Variants in TMEM117 observed in about 807,000 individuals in gnomAD.
TMEM117 encodes the protein transmembrane protein 117.
In TMEM117, 27 loss-of-function variants were observed where a neutral mutation model predicts 52.4. That is an observed-to-expected ratio of 0.51 (90% confidence interval 0.38 to 0.71). TMEM117 has a LOEUF of 0.71. TMEM117 is among the 30% of genes least tolerant of loss of function. TMEM117 has a pLI of 0.00. For missense variants in TMEM117, 556 were observed against 630.5 expected, an observed-to-expected ratio of 0.88 and a Z score of 1.26; for synonymous variants, 215 against 206.3, an observed-to-expected ratio of 1.04 and a Z score of -0.36.
chr12:43,865,944 T>C (rs1943589042), intron 2 of TMEM117, among the ~76,000 whole-genome samples: 1 of 151,788 alleles, frequency 6.6e-6, no homozygotes, highest in Non-Finnish European at 1.5e-5. Flanking sequence ...AAAATTAAAG[T>C]TTATTGTACA....
Position 44,271,885 on chromosome 12 carries a change from A to G in TMEM117, c.609-27695A>G, listed in dbSNP as rs147089242. Among the ~76,000 whole-genome samples, 4 of 152,256 alleles carry G rather than the reference A, an allele frequency of 2.6e-5. No individual in the cohort carries two copies. The East Asian group carries it at 7.7e-4, about 29-fold the overall frequency. Reference sequence around the variant, plus strand: ...ATATATAAGAAACTCACACAGCTCAATAGCACAAAAACAAATAGACTGATA... The same window carrying G: ...ATATATAAGAAACTCACACAGCTCAGTAGCACAAAAACAAATAGACTGATA... On this transcript the variant is annotated intron_variant, in intron 5 of 7. Transcript: ENST00000266534.
intron 7 of TMEM117, among the ~76,000 whole-genome samples, chr12:44,386,002 A>G (rs1437419813): frequency 1.3e-5 from 2 of 151,934 alleles, no homozygotes; most frequent in East Asian, 1.9e-4. Context: ...TTTCCAAACT[A>G]TTTTCTGTCC....
At position 43,848,542 on chromosome 12, in the gene TMEM117, G is replaced by A. The variant is rs562910041; in HGVS notation, c.277+3614G>A. On this transcript the variant is annotated intron_variant, in intron 2 of 7. Transcript: ENST00000266534. ...GAAGAAAATATGGCTCTTTTTGCCCGACCCCTCAGGCAGTCAGACCTTATG... is the reference window on the plus strand; with the variant it reads ...GAAGAAAATATGGCTCTTTTTGCCCAACCCCTCAGGCAGTCAGACCTTATG... Among the ~76,000 whole-genome samples, 28 of 152,050 alleles carry A rather than the reference G, an allele frequency of 1.8e-4. No homozygotes were observed. The South Asian group carries it at 4.6e-3, about 25-fold the overall frequency.
chr12:43,919,869 A>G (rs999144565), intron 2 of TMEM117, among the ~76,000 whole-genome samples: 1 of 150,344 alleles, frequency 6.7e-6, no homozygotes, highest in African/African-American at 2.5e-5. Context: ...TTTGATTTTC[A>G]TGTTCTTTCT....
At chr12:44,378,471 A>G (rs1951973607) in intron 7 of TMEM117, among the ~76,000 whole-genome samples, 1 of 152,224 alleles carries the variant, frequency 6.6e-6, no homozygotes, top group Admixed American at 6.5e-5. Context: ...GGGGCTATGC[A>G]TGCAGAGTCC....
chr12:44,272,161 C>T (rs1950454489), intron 5 of TMEM117, among the ~76,000 whole-genome samples: 1 of 152,072 alleles, frequency 6.6e-6, no homozygotes, highest in Non-Finnish European at 1.5e-5. Flanking sequence ...CATTTTGGAA[C>T]ACATTATGGA....
intron 4 of TMEM117, among the ~76,000 whole-genome samples, chr12:44,176,331 T>C (rs1158553278): frequency 1.3e-5 from 2 of 152,174 alleles, no homozygotes; most frequent in South Asian, 2.1e-4. Context: ...ACATGCCCAA[T>C]AAATACCTGT....
At chr12:44,110,234 C>G (rs932336207) in intron 3 of TMEM117, among the ~76,000 whole-genome samples, 3 of 149,566 alleles carry the variant, frequency 2.0e-5, no homozygotes, top group African/African-American at 2.5e-5. Flanking sequence ...GCCAGAACTT[C>G]CAACACTATG....
upstream of TMEM117, among the ~76,000 whole-genome samples, chr12:43,835,578 ACAC>A (rs1943012525): frequency 1.3e-5 from 2 of 151,958 alleles, no homozygotes; most frequent in South Asian, 2.1e-4. Context: ...CCACATCCCC[ACAC>A]CACCAACAGA....
chr12:43,797,272 G>C, the TMEM117 span: 30 of 1,551,196 alleles, frequency 1.9e-5, no homozygotes, highest in Non-Finnish European at 2.5e-5. Context: ...CAAACTGAAA[G>C]TAATGTGTTA....
In TMEM117 at chr12:44,012,839, T is replaced by G. The variant is rs148845220; in HGVS notation, c.410+68497T>G. 1.3e-3 allele frequency among the ~76,000 whole-genome samples: 192 copies of G among 152,318 alleles called. 1 individual carries two copies. The highest frequency in any genetic ancestry group is 4.3e-3 in the African/African-American group (179 of 41,570). On this transcript the variant is annotated intron_variant, in intron 3 of 7. Transcript: ENST00000266534. ...TGATACCAGTTCAGTTTTTTCAAAC[T>G]GGGGTTTTTGCTTTATAATTGTTTT... is the stretch of plus-strand genomic sequence containing the variant.
chr12:44,092,564 C>T (rs1395416659), intron 3 of TMEM117, among the ~76,000 whole-genome samples: 1 of 152,102 alleles, frequency 6.6e-6, no homozygotes, highest in Non-Finnish European at 1.5e-5. Context: ...ATAACAACAC[C>T]TCTCGCCCAC....
intron 3 of TMEM117, among the ~76,000 whole-genome samples, chr12:43,986,322 A>AT (rs1023127069): frequency 1.3e-5 from 2 of 152,200 alleles, no homozygotes; most frequent in African/African-American, 4.8e-5. Flanking sequence ...AGTACTCATG[A>AT]TTAAGTTTTT....
intron 3 of TMEM117, chr12:44,008,902 T>A: frequency 2.4e-6 from 1 of 416,784 alleles, no homozygotes; most frequent in South Asian, 2.0e-5. Flanking sequence ...ATGGTTTTAC[T>A]CTTTGATGTG....
At chr12:44,205,987 G>T (rs1316395651) in intron 4 of TMEM117, among the ~76,000 whole-genome samples, 3 of 152,224 alleles carry the variant, frequency 2.0e-5, no homozygotes, top group Admixed American at 6.5e-5. Context: ...ACACAGAAAT[G>T]GAGTGCAAAG....
intron 4 of TMEM117, among the ~76,000 whole-genome samples, chr12:44,184,510 C>T (rs1949249779): frequency 1.3e-5 from 2 of 151,944 alleles, no homozygotes; most frequent in Admixed American, 6.6e-5. Flanking sequence ...AGATTCAAAG[C>T]ATGAAAGGGA....
the TMEM117 span, chr12:43,798,443 C>A: frequency 1.6e-4 from 142 of 884,760 alleles, 1 homozygote; most frequent in South Asian, 2.6e-3. Context: ...TAGAGAGTCT[C>A]ATTCGCAGTG....
At chr12:44,194,473 A>G (rs1164354990) in intron 4 of TMEM117, among the ~76,000 whole-genome samples, 1 of 152,156 alleles carries the variant, frequency 6.6e-6, no homozygotes, top group Non-Finnish European at 1.5e-5. Flanking sequence ...TAGAAATCCA[A>G]ACCAATATAG....
chr12:43,825,771 G>T, the TMEM117 span, among the ~76,000 whole-genome samples: 1 of 152,276 alleles, frequency 6.6e-6, no homozygotes, highest in South Asian at 2.1e-4. Flanking sequence ...CACCTCAAGA[G>T]ATTCTGGTTT....
Sources: gnomAD v4.1 joint callset for allele counts (sites outside exome capture counted in the v4.1 genomes callset) on GRCh38, gnomAD v4.1.1 for gene constraint, MANE v1.5 for transcripts, NCBI Gene and HGNC (gene_info 2026-07-23, HGNC 2026-07-21) for gene names.